The following CBX7 variants were observed in gnomAD, a reference collection of about 807,000 sequenced individuals.
The protein encoded by CBX7 is chromobox 7.
In CBX7, 14 loss-of-function variants were observed where a neutral mutation model predicts 31.4. The ratio of observed to expected loss-of-function variants is 0.45; its 90% CI spans 0.29 to 0.70. CBX7 has a LOEUF of 0.70. Among genes scored for constraint, CBX7 ranks in the 30% least tolerant of loss-of-function variants. The probability of loss-of-function intolerance (pLI) is 0.11; values close to 1 mark genes in which losing one functional copy is unlikely to be tolerated. For synonymous variants in CBX7, 159 were observed against 152.6 expected (o/e 1.04, Z -0.31); for missense variants, 269 against 351.9 (o/e 0.76, Z 1.89).
intron 3 of CBX7, among the ~76,000 whole-genome samples, chr22:39,140,510 A>G (rs1930415453): frequency 6.6e-6 from 1 of 152,166 alleles, no homozygotes; most frequent in South Asian, 2.1e-4. Flanking sequence ...CCCAGCAGCG[A>G]GGGGCAGTGG....
intron 2 of CBX7, 60 bp downstream of exon 2, chr22:39,149,729 G>T (rs1930784449): frequency 1.3e-6 from 2 of 1,486,254 alleles, no homozygotes; most frequent in Non-Finnish European, 1.9e-6. Flanking sequence ...CAAAAGGCAG[G>T]TGGAGGAATG....
At chr22:39,149,702 C>A (rs1388228781) in intron 2 of CBX7, 87 bp downstream of exon 2, 6 of 1,118,212 alleles carry the variant, frequency 5.4e-6, no homozygotes, top group Non-Finnish European at 8.2e-6. Flanking sequence ...GAGCTAAAAG[C>A]TAGGCAGGGG....
chr22:39,142,453 C>A (rs754732472), intron 2 of CBX7, among the ~76,000 whole-genome samples: 1 of 152,182 alleles, frequency 6.6e-6, no homozygotes, highest in African/African-American at 2.4e-5. Flanking sequence ...GCAGGCCTAG[C>A]GCAGGCCCCC....
At position 39,141,352 on chromosome 22, in the gene CBX7, G is replaced by A. The variant is rs550289617; in HGVS notation, c.179+19C>T. ...GAGCCGGCCCTAAGCCCCACCCGGC[G>A]GTGCCGAGGACACCGTACTTCTCCT... On this transcript the variant is annotated intron_variant, in intron 3 of 5. Transcript: ENST00000216133. The A allele has an allele frequency of 3.1e-5, 49 of 1,606,450 alleles. No homozygotes were observed. Among genetic ancestry groups the A allele is most frequent in the South Asian group, 4.5e-5 (4 of 89,614 alleles).
In CBX7 at chr22:39,134,073, G is replaced by A. The variant is rs377346362; in HGVS notation, c.599-25C>T. 34 of 1,569,796 alleles carry A rather than the reference G, an allele frequency of 2.2e-5. 1 individual carries two copies. The highest frequency in any genetic ancestry group is 4.5e-4 in the Middle Eastern group (2 of 4,416). ...GCTGCAGCGTCAGACACACAGATGG[G>A]GGCAGCGTTGACAAGGTGGGAAGCC... On this transcript the variant is annotated intron_variant, in intron 5 of 5. Coordinates refer to ENST00000216133, the MANE Select transcript of CBX7 (RefSeq NM_175709.5).
chr22:39,138,743 G>C lies in CBX7; in HGVS notation c.180-41C>G, dbSNP rs759521613. 3 of 1,586,788 alleles carry C rather than the reference G, an allele frequency of 1.9e-6. No homozygotes were observed. The South Asian group carries it at 3.3e-5, about 18-fold the overall frequency. ...GGTGGCAGAAGAAAAGGAAACACTG[G>C]TGACATCTAAGGGAAGGGAAGGCAT... On this transcript the variant is annotated intron_variant, in intron 3 of 5. Coordinates refer to ENST00000216133, the MANE Select transcript of CBX7 (RefSeq NM_175709.5).
chr22:39,137,657 G>C (rs1930301826), intron 4 of CBX7, among the ~76,000 whole-genome samples: 1 of 151,954 alleles, frequency 6.6e-6, no homozygotes, highest in African/African-American at 2.4e-5. Flanking sequence ...CAGCATTTTG[G>C]ATTTTGGATC....
At chr22:39,135,318 C>G (rs1930214767) in intron 4 of CBX7, 1 of 152,830 alleles carries the variant, frequency 6.5e-6, no homozygotes, top group African/African-American at 2.4e-5. Context: ...GGCTCCTGGG[C>G]TCTGTGATTG....
At position 39,152,044 on chromosome 22, in the gene CBX7, G is replaced by C. The variant is rs1298498005; in HGVS notation, c.69+332C>G. Among the ~76,000 whole-genome samples, 1 of 152,168 alleles carries C rather than the reference G, an allele frequency of 6.6e-6. No individual in the cohort carries two copies. The highest frequency in any genetic ancestry group is 2.1e-4 in the South Asian group (1 of 4,832). On this transcript the variant is annotated intron_variant, in intron 1 of 5. Transcript: ENST00000216133. The surrounding 1 kb of genome is among the most constrained non-coding windows in gnomAD (Gnocchi z 4.9). ...CCCAGCTCTGACCATAACGCGCTAG[G>C]CAAGTCCTTTCAACTTGGGCCTCAG...
intron 2 of CBX7, chr22:39,148,084 A>G (rs1930724641): frequency 6.6e-6 from 1 of 152,278 alleles, no homozygotes; most frequent in East Asian, 1.9e-4. Context: ...CCCAGGGCTC[A>G]TGCCTGTCGG....
chr22:39,142,875 T>C (rs989403215), intron 2 of CBX7, among the ~76,000 whole-genome samples: 6 of 152,186 alleles, frequency 3.9e-5, no homozygotes, highest in Non-Finnish European at 7.3e-5. Context: ...GACGTCTTGA[T>C]GATCCTGACC....
At chr22:39,145,312 C>T (rs1930607450) in intron 2 of CBX7, among the ~76,000 whole-genome samples, 2 of 152,140 alleles carry the variant, frequency 1.3e-5, no homozygotes, top group Admixed American at 6.5e-5. Flanking sequence ...AGTGCAGGAG[C>T]CCAGAGGCGC....
At position 39,131,206 on chromosome 22, in the gene CBX7, C is replaced by T. The variant is rs1350897071; in HGVS notation, c.*2685G>A. On this transcript the variant is annotated 3_prime_UTR_variant, in exon 6 of 6. Coordinates refer to ENST00000216133, the MANE Select transcript of CBX7 (RefSeq NM_175709.5). ...CAGTCCTGCATTCCAGGCGGCTGTG[C>T]CAGGGGTGGGGGTACCTCCTCCGCA... 6.6e-6 allele frequency: 1 copy of T among 152,564 alleles called. No individual in the cohort carries two copies. Among genetic ancestry groups the T allele is most frequent in the Non-Finnish European group, 1.5e-5 (1 of 68,058 alleles). The allele number at this position is 152,564 out of a possible 1,614,324, so 9.5% of individuals were successfully genotyped here.
At position 39,145,839 on chromosome 22, in the gene CBX7, G is replaced by A. The variant is rs184296631; in HGVS notation, c.113+3950C>T. 7.1e-3 allele frequency among the ~76,000 whole-genome samples: 1,083 copies of A among 151,940 alleles called. 16 individuals carry two copies. The highest frequency in any genetic ancestry group is 0.025 in the African/African-American group (1,050 of 41,484). On this transcript the variant is annotated intron_variant, in intron 2 of 5. Coordinates refer to ENST00000216133, the MANE Select transcript of CBX7 (RefSeq NM_175709.5). ...AACAAGCCCCGGCCGCCCAGCCAAAGCCCCGCCGCGCAGGGCTCGCCCTGC... is the reference window on the plus strand; with the variant it reads ...AACAAGCCCCGGCCGCCCAGCCAAAACCCCGCCGCGCAGGGCTCGCCCTGC...
intron 2 of CBX7, among the ~76,000 whole-genome samples, chr22:39,145,570 G>A (rs1187480470): frequency 6.6e-6 from 1 of 151,956 alleles, no homozygotes; most frequent in Non-Finnish European, 1.5e-5. Context: ...GACACCGGGG[G>A]ACTGCGGGGG....
chr22:39,144,141 A>T (rs1175233045), intron 2 of CBX7, among the ~76,000 whole-genome samples: 2 of 152,194 alleles, frequency 1.3e-5, no homozygotes, highest in Non-Finnish European at 2.9e-5. Context: ...ACGCTAGTTC[A>T]GTCCCAAAAT....
chr22:39,140,914 G>A (rs1429686768), intron 3 of CBX7, among the ~76,000 whole-genome samples: 4 of 152,136 alleles, frequency 2.6e-5, no homozygotes, highest in South Asian at 4.1e-4. Context: ...CTTGAGCTTC[G>A]TCAGACACTC....
chr22:39,149,334 T>C (rs1930771111), intron 2 of CBX7: 1 of 184,478 alleles, frequency 5.4e-6, no homozygotes, highest in Non-Finnish European at 1.1e-5. Context: ...ACCTGCTCTA[T>C]AGACTGGAAA....
rs1405933564 is a variant in CBX7, at chr22:39,152,336, C to T, written c.69+40G>A. On this transcript the variant is annotated intron_variant, in intron 1 of 5. Coordinates refer to ENST00000216133, the MANE Select transcript of CBX7 (RefSeq NM_175709.5). This position sits in a 1 kb window ranked among gnomAD's most constrained non-coding sequence, Gnocchi z 4.9. Reference sequence around the variant, plus strand: ...GGAGCGGTGCTGGGGACGGGAGGGACCCCACTGGGGTCCTGGGAGCCGCCC... The same window carrying T: ...GGAGCGGTGCTGGGGACGGGAGGGATCCCACTGGGGTCCTGGGAGCCGCCC... The T allele has an allele frequency of 2.3e-6, 3 of 1,315,304 alleles. No homozygotes were observed. The highest frequency in any genetic ancestry group is 3.2e-5 in the Admixed American group (1 of 31,362). 81.5% of individuals were successfully genotyped at this position (1,315,304 alleles called of 1,614,324 possible). A position where few individuals can be genotyped will look rare whatever the true frequency, so the allele number is the denominator to read the frequency against.
Sources: allele counts gnomAD v4.1 joint callset (sites outside exome capture counted in the v4.1 genomes callset), GRCh38; gene constraint gnomAD v4.1.1; non-coding constraint Gnocchi (gnomAD v3.1); transcripts MANE v1.5; gene names NCBI Gene and HGNC (gene_info 2026-07-23, HGNC 2026-07-21).